Variants in ATG5 observed in about 807,000 individuals in gnomAD.
ATG5 encodes the protein autophagy related 5.
A neutral mutation model predicts 36.5 loss-of-function variants in ATG5; 14 were observed. That is an observed-to-expected ratio of 0.38 (90% CI 0.25 to 0.60). The LOEUF (loss-of-function observed/expected upper bound fraction) is 0.60, where lower values mean the gene tolerates loss of function less well. Ranked by LOEUF, ATG5 falls within the 20% of genes least tolerant of loss-of-function variation. The pLI is 0.60. For missense variants in ATG5, 195 were observed against 326.7 expected, an observed-to-expected ratio of 0.60 and a Z score of 3.11; for synonymous variants, 95 against 101.5, an observed-to-expected ratio of 0.94 and a Z score of 0.38.
chr6:106,268,943 CAT>C (rs761893823), intron 5 of ATG5, among the ~76,000 whole-genome samples: 4 of 152,156 alleles, frequency 2.6e-5, no homozygotes. Flanking sequence ...AGGCTTAAAA[CAT>C]AGATGACGGG....
Position 106,308,349 on chromosome 6 carries a change from G to T in ATG5, c.236+15C>A. 6.5e-7 allele frequency: 1 copy of T among 1,546,384 alleles called. No homozygotes were observed. ...TATATACTTAATGCTTAATAATGCA[G>T]AAAAATTCACTCACCATTTCAGTGG... On this transcript the variant is annotated intron_variant, in intron 3 of 7. Coordinates refer to ENST00000369076, the MANE Select transcript of ATG5 (RefSeq NM_004849.4).
intron 5 of ATG5, among the ~76,000 whole-genome samples, chr6:106,270,098 T>C (rs890480257): frequency 5.3e-5 from 8 of 152,252 alleles, no homozygotes; most frequent in African/African-American, 1.9e-4. Context: ...ACAAAGTTAA[T>C]TTATTCACTT....
intron 5 of ATG5, among the ~76,000 whole-genome samples, chr6:106,254,899 T>C (rs1474364935): frequency 6.6e-6 from 1 of 152,152 alleles, no homozygotes; most frequent in Non-Finnish European, 1.5e-5. Flanking sequence ...CCTGTTGGAG[T>C]TATGCAATTG....
intron 2 of ATG5, among the ~76,000 whole-genome samples, chr6:106,309,842 C>T (rs2787547): frequency 0.11 from 17,143 of 151,990 alleles, 1,038 homozygotes; most frequent in African/African-American, 0.16. Flanking sequence ...TTTTAGCAAA[C>T]CTTGAACTTT....
intron 4 of ATG5, among the ~76,000 whole-genome samples, chr6:106,282,538 G>A (rs1439680512): frequency 1.3e-5 from 2 of 152,168 alleles, no homozygotes; most frequent in Non-Finnish European, 2.9e-5. Context: ...GATGCATTAT[G>A]GAAGTGCTTA....
At chr6:106,292,253 T>C (rs538600885) in intron 4 of ATG5, among the ~76,000 whole-genome samples, 55 of 152,334 alleles carry the variant, frequency 3.6e-4, no homozygotes, top group African/African-American at 1.3e-3. Flanking sequence ...GAATCATTGC[T>C]ATTTGAGAAT....
intron 1 of ATG5, among the ~76,000 whole-genome samples, chr6:106,317,331 C>G (rs1770887970): frequency 6.6e-6 from 1 of 152,144 alleles, no homozygotes; most frequent in African/African-American, 2.4e-5. Context: ...CCTATGAAAA[C>G]ACTCTAAATA....
intron 3 of ATG5, among the ~76,000 whole-genome samples, chr6:106,304,735 G>T (rs1770370586): frequency 6.6e-6 from 1 of 152,104 alleles, no homozygotes; most frequent in Admixed American, 6.6e-5. Context: ...TTATTATCTT[G>T]ATTTTGTAAG....
chr6:106,302,151 T>C (rs1770237431), intron 3 of ATG5, among the ~76,000 whole-genome samples: 1 of 151,994 alleles, frequency 6.6e-6, no homozygotes, highest in African/African-American at 2.4e-5. Flanking sequence ...ATGTTAGAAG[T>C]ATGAGCTACA....
At chr6:106,285,725 G>A (rs1034245390) in intron 4 of ATG5, among the ~76,000 whole-genome samples, 2 of 152,218 alleles carry the variant, frequency 1.3e-5, no homozygotes, top group Non-Finnish European at 2.9e-5. Flanking sequence ...GAATTTCCAT[G>A]AGTGGATGCA....
At chr6:106,234,047 C>G (rs1777792271) in intron 6 of ATG5, among the ~76,000 whole-genome samples, 1 of 152,138 alleles carries the variant, frequency 6.6e-6, no homozygotes, top group Non-Finnish European at 1.5e-5. Flanking sequence ...AATGATTAAT[C>G]CTAGTTGTCC....
intron 7 of ATG5, among the ~76,000 whole-genome samples, chr6:106,195,974 C>T (rs951917721): frequency 1.3e-5 from 2 of 152,108 alleles, no homozygotes; most frequent in South Asian, 2.1e-4. Flanking sequence ...TCACGTTAAT[C>T]TTGTCTTGTA....
chr6:106,196,047 C>T (rs566973287), intron 7 of ATG5, among the ~76,000 whole-genome samples: 2 of 152,260 alleles, frequency 1.3e-5, no homozygotes, highest in South Asian at 2.1e-4. Context: ...CACTTGAATG[C>T]TTTTCATTTA....
chr6:106,257,554 C>T (rs187161189), intron 5 of ATG5, among the ~76,000 whole-genome samples: 22 of 152,322 alleles, frequency 1.4e-4, no homozygotes, highest in Admixed American at 1.3e-3. Context: ...TAATGCAGAG[C>T]ATGATTGTAC....
chr6:106,319,666 T>C (rs1274232083), intron 1 of ATG5, among the ~76,000 whole-genome samples: 1 of 152,230 alleles, frequency 6.6e-6, no homozygotes, highest in Non-Finnish European at 1.5e-5. Flanking sequence ...TGTTTTCTCT[T>C]GGCACCTCTA....
chr6:106,213,178 A>G (rs2114399303), intron 6 of ATG5, among the ~76,000 whole-genome samples: 1 of 152,360 alleles, frequency 6.6e-6, no homozygotes, highest in East Asian at 1.9e-4. Flanking sequence ...TTACATATTT[A>G]CTATGCATTT....
chr6:106,208,935 ACAT>A (rs768199606), intron 6 of ATG5, among the ~76,000 whole-genome samples: 1 of 152,222 alleles, frequency 6.6e-6, no homozygotes, highest in African/African-American at 2.4e-5. Context: ...CATATCTCAC[ACAT>A]CATTAGCCAT....
At chr6:106,263,845 C>T (rs1779123156) in intron 5 of ATG5, among the ~76,000 whole-genome samples, 1 of 150,882 alleles carries the variant, frequency 6.6e-6, no homozygotes, top group Non-Finnish European at 1.5e-5. Flanking sequence ...TCATTAGCCT[C>T]CAAGATCAAA....
At chr6:106,304,039 T>G (rs928950164) in intron 3 of ATG5, 2 of 151,166 alleles carry the variant, frequency 1.3e-5, no homozygotes, top group African/African-American at 4.8e-5. Flanking sequence ...TAATTTCTAT[T>G]TGCAGATGTC....
Sources: allele counts gnomAD v4.1 joint callset (sites outside exome capture counted in the v4.1 genomes callset), GRCh38; gene constraint gnomAD v4.1.1; transcripts MANE v1.5; gene names NCBI Gene and HGNC (gene_info 2026-07-23, HGNC 2026-07-21).